Variants in MLLT10 observed in about 807,000 individuals in gnomAD.
MLLT10 encodes the protein protein AF-10.
In MLLT10, 30 loss-of-function variants were observed where a neutral mutation model predicts 129.1. The observed-to-expected ratio is 0.23, with a 90% confidence interval of 0.17 to 0.32. MLLT10 has a LOEUF of 0.32. MLLT10 is among the 10% of genes least tolerant of loss of function. MLLT10 has a pLI of 1.00. For missense variants in MLLT10, 1,119 were observed against 1,268.3 expected (o/e 0.88, Z 1.79); for synonymous variants, 490 against 446.4 (o/e 1.10, Z -1.23).
At chr10:21,654,959 G>GCC (rs978481236) in intron 9 of MLLT10, among the ~76,000 whole-genome samples, 5 of 152,098 alleles carry the variant, frequency 3.3e-5, no homozygotes, top group African/African-American at 4.8e-5. Context: ...GATTGCTTGA[G>GCC]CCCAGGAGTT....
At chr10:21,729,147 A>G (rs566698898) in intron 16 of MLLT10, among the ~76,000 whole-genome samples, 3 of 152,300 alleles carry the variant, frequency 2.0e-5, no homozygotes, top group Non-Finnish European at 2.9e-5. Context: ...AAGAACAATG[A>G]TAACATGATC....
At chr10:21,672,370 A>G (rs775537718) in intron 10 of MLLT10, among the ~76,000 whole-genome samples, 10 of 152,078 alleles carry the variant, frequency 6.6e-5, no homozygotes, top group Non-Finnish European at 1.2e-4. Context: ...TGGGACCACA[A>G]GCATGCGTCA....
At chr10:21,559,739 T>C (rs574964356) in intron 3 of MLLT10, among the ~76,000 whole-genome samples, 3 of 152,350 alleles carry the variant, frequency 2.0e-5, no homozygotes, top group African/African-American at 7.2e-5. Context: ...TCACTTTGAA[T>C]GTTTTCAAGG....
At chr10:21,554,076 G>A (rs1456863033) in intron 3 of MLLT10, among the ~76,000 whole-genome samples, 3 of 152,200 alleles carry the variant, frequency 2.0e-5, no homozygotes, top group Admixed American at 2.0e-4. Flanking sequence ...TAGGTACACA[G>A]TGGTCCTTTT....
chr10:21,708,535 G>A (rs1410043974), intron 13 of MLLT10: 3 of 974,982 alleles, frequency 3.1e-6, no homozygotes, highest in Non-Finnish European at 3.7e-6. Context: ...TGCCTTGATA[G>A]GAAAGGAACA....
chr10:21,657,150 G>C (rs969724773), intron 9 of MLLT10, among the ~76,000 whole-genome samples: 4 of 152,140 alleles, frequency 2.6e-5, no homozygotes, highest in Non-Finnish European at 5.9e-5. Flanking sequence ...CCAGCACTTT[G>C]GGAGGCCAAG....
chr10:21,727,920 C>G lies in MLLT10; in HGVS notation c.2055C>G (p.Leu685=). ...VGRGSSPRGS[L]SPRSPVSSLQ... Reference sequence around the variant, plus strand: ...GAGGAAGCTCACCCCGAGGAAGTCTCTCGCCACGGTAAGCGCTATTTACAC... The same window carrying G: ...GAGGAAGCTCACCCCGAGGAAGTCTGTCGCCACGGTAAGCGCTATTTACAC... The change falls in exon 16 of 23, where the codon CTC becomes CTG. Residue 685 remains leucine (L), a synonymous_variant. Coordinates refer to ENST00000307729, the MANE Select transcript of MLLT10 (RefSeq NM_001195626.3). 6.2e-7 allele frequency: 1 copy of G among 1,613,946 alleles called. No homozygotes were observed. Among genetic ancestry groups the G allele is most frequent in the Non-Finnish European group, 8.5e-7 (1 of 1,179,940 alleles).
chr10:21,626,362 A>G lies in MLLT10; in HGVS notation c.699+9155A>G, dbSNP rs9665499. On this transcript the variant is annotated intron_variant, in intron 8 of 22. Coordinates refer to ENST00000307729, the MANE Select transcript of MLLT10 (RefSeq NM_001195626.3). ...TTTTGAAAATGACTAGAAATCTCGC[A>G]CGCGTGCCACCCCCCAAGTCTATGA... is the stretch of plus-strand genomic sequence containing the variant. The G allele has an allele frequency of 0.01, 6,716 of 663,676 alleles. 335 individuals carry two copies. The African/African-American group carries it at 0.11, about 11-fold the overall frequency. The allele number at this position is 663,676 out of a possible 1,614,324, so 41.1% of individuals were successfully genotyped here. A position where few individuals can be genotyped will look rare whatever the true frequency, so the allele number is the denominator to read the frequency against.
chr10:21,575,254 C>T (rs1296349268), intron 3 of MLLT10, among the ~76,000 whole-genome samples: 5 of 151,844 alleles, frequency 3.3e-5, no homozygotes, highest in African/African-American at 1.2e-4. Context: ...TGCAGTGGTG[C>T]GATCTTGGCT....
intron 14 of MLLT10, among the ~76,000 whole-genome samples, chr10:21,721,923 A>G (rs1332387612): frequency 1.3e-5 from 2 of 152,060 alleles, no homozygotes; most frequent in East Asian, 1.9e-4. Context: ...AATAAATGTT[A>G]GATAACATCT....
intron 3 of MLLT10, among the ~76,000 whole-genome samples, chr10:21,547,961 T>A (rs1403130023): frequency 6.6e-6 from 1 of 152,210 alleles, no homozygotes; most frequent in Admixed American, 6.5e-5. Context: ...TCATTTTTTT[T>A]ACTTTGAAGG....
intron 13 of MLLT10, among the ~76,000 whole-genome samples, chr10:21,684,895 G>A (rs1470930530): frequency 3.3e-5 from 5 of 152,006 alleles, no homozygotes; most frequent in East Asian, 1.9e-4. Flanking sequence ...CATCTCTGAC[G>A]TAGACCTTGT....
At chr10:21,631,313 CAAAAAAAAAAAA>C (rs991306894) in intron 8 of MLLT10, among the ~76,000 whole-genome samples, 24 of 47,772 alleles carry the variant, frequency 5.0e-4, no homozygotes, top group Non-Finnish European at 6.7e-4. Flanking sequence ...GACTCCGTCT[CAAAAAAAAAAAA>C]AAAAAAAAAA....
At chr10:21,546,066 T>G (rs2036026322) in intron 3 of MLLT10, among the ~76,000 whole-genome samples, 1 of 152,180 alleles carries the variant, frequency 6.6e-6, no homozygotes, top group African/African-American at 2.4e-5. Context: ...TACAGAAGAA[T>G]TTTTAAAAAT....
Position 21,678,477 on chromosome 10 carries a change from T to C in MLLT10, c.1622-2855T>C, listed in dbSNP as rs1442302881. 2.6e-5 allele frequency among the ~76,000 whole-genome samples: 4 copies of C among 152,242 alleles called. No individual in the cohort carries two copies. The South Asian group carries it at 6.2e-4, about 24-fold the overall frequency. On this transcript the variant is annotated intron_variant, in intron 11 of 22. Transcript: ENST00000307729. ...AGTATTATTAAGTTGGAAAAGATCATGGAGAGGTTGAATTGTACTTTGAAG... is the reference window on the plus strand; with the variant it reads ...AGTATTATTAAGTTGGAAAAGATCACGGAGAGGTTGAATTGTACTTTGAAG...
At chr10:21,692,390 A>C (rs114427794) in intron 13 of MLLT10, among the ~76,000 whole-genome samples, 4,171 of 151,996 alleles carry the variant, frequency 0.027, 183 homozygotes, top group African/African-American at 0.095. Context: ...GACTGGTTTC[A>C]AATCCCTGGC....
At chr10:21,598,611 C>T (rs1338361788) in intron 5 of MLLT10, among the ~76,000 whole-genome samples, 3 of 152,232 alleles carry the variant, frequency 2.0e-5, no homozygotes, top group Admixed American at 6.5e-5. Context: ...GGGCCAGGCG[C>T]GATGGCTTAT....
At chr10:21,738,428 G>A (rs1204900421) in intron 21 of MLLT10, 5 of 1,288,974 alleles carry the variant, frequency 3.9e-6, no homozygotes, top group Admixed American at 2.3e-5. Context: ...CTCATTTCCA[G>A]AACATGGTTA....
At chr10:21,591,173 T>C (rs182923755) in intron 4 of MLLT10, among the ~76,000 whole-genome samples, 1 of 152,228 alleles carries the variant, frequency 6.6e-6, no homozygotes, top group East Asian at 1.9e-4. Context: ...TCCTCCTACC[T>C]TAGCCCCTGA....
Sources: allele counts gnomAD v4.1 joint callset (sites outside exome capture counted in the v4.1 genomes callset), GRCh38; gene constraint gnomAD v4.1.1; transcripts MANE v1.5; gene names NCBI Gene and HGNC (gene_info 2026-07-23, HGNC 2026-07-21).